The following DCST1 variants were observed in gnomAD, a reference collection of about 807,000 sequenced individuals.
The protein encoded by DCST1 is E3 ubiquitin-protein ligase DCST1.
DCST1 carries 78 observed loss-of-function variants against 89.1 expected under a neutral mutation model. The observed-to-expected ratio is 0.88, with a 90% CI of 0.73 to 1.06. The LOEUF is 1.06. Among genes scored for constraint, DCST1 ranks in the 50% least tolerant of loss-of-function variants. The probability of loss-of-function intolerance (pLI) is 0.00; values close to 1 mark genes in which losing one functional copy is unlikely to be tolerated. For synonymous variants in DCST1, 364 were observed against 371.9 expected (o/e 0.98, Z 0.24); for missense variants, 900 against 928.6 (o/e 0.97, Z 0.40).
chr1:155,043,002 G>A (rs1391594006), intron 9 of DCST1, 146 bp downstream of exon 9: 15 of 1,321,260 alleles, frequency 1.1e-5, no homozygotes, highest in South Asian at 1.5e-5. Flanking sequence ...GGGGAATGTC[G>A]CTGGTGTTGA....
Position 155,034,052 on chromosome 1 carries a change from C to G in DCST1, c.16C>G (p.His6Asp), listed in dbSNP as rs773787610. 6.2e-7 allele frequency: 1 copy of G among 1,614,144 alleles called. No homozygotes were observed. The highest frequency in any genetic ancestry group is 1.7e-5 in the Admixed American group (1 of 60,022). The change falls in exon 2 of 17, where the codon CAT becomes GAT. Residue 6 changes from histidine (H) to aspartate (D), a missense_variant. Coordinates refer to ENST00000295542, the MANE Select transcript of DCST1 (RefSeq NM_152494.4). MDIKH[H>D]QNGTRGQRRK... ...AAACAGACTCATGGACATTAAACAT[C>G]ATCAGAATGGCACAAGAGGGCAAAG... is the stretch of plus-strand genomic sequence containing the variant.
chr1:155,045,285 G>A (rs1389112843), intron 10 of DCST1: 1 of 153,174 alleles, frequency 6.5e-6, no homozygotes, highest in Non-Finnish European at 1.5e-5. Context: ...GAAGCATTAT[G>A]TAGGGCTTTG....
At chr1:155,046,550 G>A (rs1399970151) in intron 13 of DCST1, 64 bp downstream of exon 13, 2 of 1,546,378 alleles carry the variant, frequency 1.3e-6, no homozygotes, top group Non-Finnish European at 8.8e-7. Flanking sequence ...TCCAATGCCT[G>A]CACAGCCACC....
chr1:155,050,923 G>T lies in DCST1; in HGVS notation c.*55G>T. On this transcript the variant is annotated 3_prime_UTR_variant, in exon 17 of 17. Transcript: ENST00000295542. ...TCCTTCCCGGTTAATAAAATGCCCT[G>T]TACGCTTCACGTGGGTCGGGGACTG... 1 of 1,577,478 alleles carries T rather than the reference G, an allele frequency of 6.3e-7. No homozygotes were observed. Among genetic ancestry groups the T allele is most frequent in the Non-Finnish European group, 8.7e-7 (1 of 1,155,566 alleles).
intron 6 of DCST1, among the ~76,000 whole-genome samples, chr1:155,041,166 G>A (rs1660425418): frequency 6.6e-6 from 1 of 152,164 alleles, no homozygotes; most frequent in Non-Finnish European, 1.5e-5. Flanking sequence ...GAGTCTGGGA[G>A]GTACGCAGAG....
In DCST1 at chr1:155,039,439, T is replaced by C. The variant is rs745819429; in HGVS notation, c.299T>C (p.Ile100Thr). 4 of 1,598,378 alleles carry C rather than the reference T, an allele frequency of 2.5e-6. No homozygotes were observed. The highest frequency in any genetic ancestry group is 1.1e-5 in the South Asian group (1 of 87,964). The change falls in exon 5 of 17, where the codon ATC becomes ACC. Residue 100 changes from isoleucine (I) to threonine (T), a missense_variant. By Grantham distance (89) the Ile-to-Thr change is moderately conservative. Transcript: ENST00000295542. Reference sequence around the variant, plus strand: ...ATGGGCTGGGGGACCTCCCCTCACATCCGCTGTGCCAGCCTCCTACTAGTA... The same window carrying C: ...ATGGGCTGGGGGACCTCCCCTCACACCCGCTGTGCCAGCCTCCTACTAGTA... Reference protein sequence around the residue: ...GAMGWGTSPHIRCASLLLVPK... With the variant: ...GAMGWGTSPHTRCASLLLVPK...
At chr1:155,045,816 C>T in intron 10 of DCST1, 77 bp from the exon 11 acceptor site, 1 of 1,310,766 alleles carries the variant, frequency 7.6e-7, no homozygotes. Context: ...ATGACTGTGC[C>T]TCAAGGAAGC....
rs776738245 is a variant in DCST1, at chr1:155,047,844, C to T, written c.1670C>T (p.Pro557Leu). 2.5e-5 allele frequency: 40 copies of T among 1,614,222 alleles called. 1 individual carries two copies. The highest frequency in any genetic ancestry group is 2.2e-4 in the South Asian group (20 of 91,092). ...DARAYWRAAVPIGLLVCLCLL... is the reference protein window; with the variant it reads ...DARAYWRAAVLIGLLVCLCLL... ...AGGGCCTACTGGAGAGCTGCAGTAC[C>T]GATTGGCCTGTTAGTGTGTCTCTGC... Residue 557 changes from proline (P) to leucine (L), a missense_variant, in exon 15 of 17, where the codon CCG becomes CTG. Physicochemically the swap from Pro to Leu is moderately conservative, Grantham distance 98 (BLOSUM62 -3). Coordinates refer to ENST00000295542, the MANE Select transcript of DCST1 (RefSeq NM_152494.4).
chr1:155,038,946 G>C (rs1221675928), intron 4 of DCST1, among the ~76,000 whole-genome samples: 3 of 152,186 alleles, frequency 2.0e-5, no homozygotes, highest in African/African-American at 7.2e-5. Context: ...TAAAATTAGA[G>C]GCAGGGACTG....
chr1:155,047,399 G>GGGCCTT, intron 14 of DCST1, 87 bp downstream of exon 14: 1 of 1,239,148 alleles, frequency 8.1e-7, no homozygotes, highest in Non-Finnish European at 1.2e-6. Context: ...TTAGGGGCCT[G>GGGCCTT]GGCCTTGGGT....
At position 155,034,491 on chromosome 1, in the gene DCST1, C is replaced by T. The variant is rs1234083134; in HGVS notation, c.118C>T (p.Arg40Cys). 15 of 1,613,618 alleles carry T rather than the reference C, an allele frequency of 9.3e-6. No individual in the cohort carries two copies. Among genetic ancestry groups the T allele is most frequent in the Admixed American group, 1.7e-5 (1 of 59,964 alleles). Residue 40 changes from arginine (R) to cysteine (C), a missense_variant, in exon 3 of 17, where the codon CGC (arginine) becomes TGC (cysteine). Transcript: ENST00000295542. ...AGTCTCCTGTAGCTGGTTCCTGTGG[C>T]GCCAGCCGGGCGAGTTTCCTGTCAC... ...LPVSCSWFLW[R>C]QPGEFPVTAL... is the part of the protein sequence containing the mutation.
In DCST1 at chr1:155,046,428, TCTCTA is replaced by T. The variant is rs1468197303; in HGVS notation, c.1441_1445del (p.Tyr481HisfsTer20). On this transcript the variant is annotated frameshift_variant, in exon 13 of 17. Transcript: ENST00000295542. LOFTEE classifies it high-confidence loss of function. ...TGGTGCTGTGTGGCTTGGACTGGGCTCTCTACTCCATCTTCGACACCATCCGCCAC... is the reference window on the plus strand; with the variant it reads ...TGGTGCTGTGTGGCTTGGACTGGGCTCTCCATCTTCGACACCATCCGCCAC... 2 of 1,613,844 alleles carry T rather than the reference TCTCTA, an allele frequency of 1.2e-6. No homozygotes were observed. The highest frequency in any genetic ancestry group is 2.2e-5 in the East Asian group (1 of 44,866).
In DCST1 at chr1:155,046,505, C is replaced by G. The variant is rs756433107; in HGVS notation, c.1495+19C>G. The G allele has an allele frequency of 1.1e-5, 18 of 1,612,804 alleles. No homozygotes were observed. In the African/African-American group the frequency reaches 2.4e-4, roughly 22 times the overall value. On this transcript the variant is annotated intron_variant, in intron 13 of 16. Coordinates refer to ENST00000295542, the MANE Select transcript of DCST1 (RefSeq NM_152494.4). ...TTCCGCAGTAAGCCCATCCCCCAGA[C>G]ACATTCCAGGCCCAAGAGACACCCT...
intron 16 of DCST1, among the ~76,000 whole-genome samples, chr1:155,048,395 G>A (rs1269841141): frequency 1.3e-5 from 2 of 152,186 alleles, no homozygotes; most frequent in Non-Finnish European, 2.9e-5. Context: ...AGGTTCAAGC[G>A]ATTATCCTAT....
In DCST1 at chr1:155,039,420, TG is replaced by T; in HGVS notation, c.285del (p.Thr96ProfsTer12). The T allele has an allele frequency of 3.1e-6, 5 of 1,593,902 alleles. No homozygotes were observed. Among genetic ancestry groups the T allele is most frequent in the South Asian group, 1.1e-5 (1 of 87,522 alleles). ...YSLVGLGAMG[W>X]GTSPHIRCAS... is the part of the protein sequence containing the mutation. ...CCTGACAGGCTTGGGGGCCATGGGC[TG>T]GGGGACCTCCCCTCACATCCGCTGT... On this transcript the variant is annotated frameshift_variant, in exon 5 of 17. Transcript: ENST00000295542. LOFTEE classifies it high-confidence loss of function.
Position 155,050,847 on chromosome 1 carries a change from C to G in DCST1, c.2100C>G (p.Asp700Glu). The change falls in exon 17 of 17, where the codon GAC becomes GAG. Residue 700 changes from aspartate (D) to glutamate (E), a missense_variant. Coordinates refer to ENST00000295542, the MANE Select transcript of DCST1 (RefSeq NM_152494.4). ...CCTCCGCCTTTAGTGACAGCAACGA[C>G]GACACTGCCTACGCGGGGTGAAGAG... Reference protein sequence around the residue: ...LSSSAFSDSNDDTAYAG With the variant: ...LSSSAFSDSNEDTAYAG 1.9e-6 allele frequency: 3 copies of G among 1,611,930 alleles called. No individual in the cohort carries two copies. The highest frequency in any genetic ancestry group is 2.2e-5 in the South Asian group (2 of 91,026).
chr1:155,040,760 A>G, intron 6 of DCST1, 136 bp downstream of exon 6: 2 of 1,316,742 alleles, frequency 1.5e-6, no homozygotes, highest in Non-Finnish European at 2.0e-6. Flanking sequence ...ACTATTCCCA[A>G]ACATTGCAGA....
In DCST1 at chr1:155,050,682, C is replaced by T; in HGVS notation, c.1935C>T (p.Arg645=). 1 of 1,603,632 alleles carries T rather than the reference C, an allele frequency of 6.2e-7. No homozygotes were observed. Among genetic ancestry groups the T allele is most frequent in the South Asian group, 1.1e-5 (1 of 90,000 alleles). ...CPLLRRWLCR[R]CVVCQAPETP... The stretch of plus-strand genomic sequence containing the variant: ...TCCTGCGCCGCTGGCTGTGCCGGCG[C>T]TGCGTGGTGTGCCAGGCACCCGAGA... The change falls in exon 17 of 17, where the codon CGC becomes CGT. Residue 645 remains arginine, a synonymous_variant. Transcript: ENST00000295542.
intron 10 of DCST1, among the ~76,000 whole-genome samples, chr1:155,043,719 A>G (rs921261908): frequency 6.6e-6 from 1 of 152,232 alleles, no homozygotes; most frequent in Non-Finnish European, 1.5e-5. Flanking sequence ...TTAAAAGGCC[A>G]ACCGTCTTCA....
Sources: gnomAD v4.1 joint callset for allele counts (sites outside exome capture counted in the v4.1 genomes callset) on GRCh38, gnomAD v4.1.1 for gene constraint, MANE v1.5 for transcripts, NCBI Gene and HGNC (gene_info 2026-07-23, HGNC 2026-07-21) for gene names.